Variants in ZNF442 observed in about 807,000 individuals in gnomAD.
ZNF442 encodes zinc finger protein 442.
In ZNF442, 45 loss-of-function variants were observed where a neutral mutation model predicts 57.0. That is an observed-to-expected ratio of 0.79 (90% CI 0.62 to 1.01). The LOEUF (loss-of-function observed/expected upper bound fraction) is 1.01, where lower values mean the gene tolerates loss of function less well. Among genes scored for constraint, ZNF442 ranks in the 50% least tolerant of loss-of-function variants. The pLI is 0.00. For synonymous variants in ZNF442, 213 were observed against 241.8 expected (o/e 0.88, Z 1.10); for missense variants, 690 against 756.5 (o/e 0.91, Z 1.03).
Position 12,349,624 on chromosome 19 carries a change from A to G in ZNF442, c.*77T>C. 7.0e-7 allele frequency: 1 copy of G among 1,423,532 alleles called. No homozygotes were observed. Among genetic ancestry groups the G allele is most frequent in the South Asian group, 1.4e-5 (1 of 71,480 alleles). The allele number at this position is 1,423,532 out of a possible 1,614,324, so 88.2% of individuals were successfully genotyped here. ...TCTTAAGGCTTTACCATGTGTTTGCATTCATGAGGCTTATCTCCTATGTGA... is the reference window on the plus strand; with the variant it reads ...TCTTAAGGCTTTACCATGTGTTTGCGTTCATGAGGCTTATCTCCTATGTGA... On this transcript the variant is annotated 3_prime_UTR_variant, in exon 6 of 6. Coordinates refer to ENST00000242804, the MANE Select transcript of ZNF442 (RefSeq NM_030824.3).
chr19:12,353,872 G>A (rs1283706700), intron 3 of ZNF442, among the ~76,000 whole-genome samples: 2 of 152,102 alleles, frequency 1.3e-5, no homozygotes, highest in African/African-American at 4.8e-5. Flanking sequence ...TTGGACTTAT[G>A]TCCCTATGAG....
Position 12,350,211 on chromosome 19 carries a change from C to T in ZNF442, c.1374G>A (p.Glu458=). ...LRRHETTHTG[E]KPYKCKCGKA... is the part of the protein sequence containing the mutation. The stretch of plus-strand genomic sequence containing the variant: ...TCCCACATTTACATTTATAGGGTTT[C>T]TCTCCAGTGTGAGTTGTTTCATGTC... Residue 458 remains glutamate (E), a synonymous_variant, in exon 6 of 6, where the codon GAG becomes GAA. Transcript: ENST00000242804. The T allele has an allele frequency of 1.2e-6, 2 of 1,614,024 alleles. No homozygotes were observed. Among genetic ancestry groups the T allele is most frequent in the Non-Finnish European group, 1.7e-6 (2 of 1,179,994 alleles).
chr19:12,362,331 C>T (rs146891297), intron 3 of ZNF442, among the ~76,000 whole-genome samples: 7,174 of 151,920 alleles, frequency 0.047, 551 homozygotes, highest in African/African-American at 0.16. Context: ...TCTGCCCCGC[C>T]GCCCCATCTG....
chr19:12,373,313 G>A, the ZNF442 span, among the ~76,000 whole-genome samples: 1 of 152,162 alleles, frequency 6.6e-6, no homozygotes, highest in South Asian at 2.1e-4. Context: ...GCCACAGTGG[G>A]TGGATTGCTT....
At position 12,351,082 on chromosome 19, in the gene ZNF442, A is replaced by T. The variant is rs774716348; in HGVS notation, c.503T>A (p.Phe168Tyr). 3.8e-5 allele frequency: 61 copies of T among 1,614,048 alleles called. No homozygotes were observed. The highest frequency in any genetic ancestry group is 5.2e-5 in the Non-Finnish European group (61 of 1,180,028). Residue 168 changes from phenylalanine (F) to tyrosine (Y), a missense_variant, in exon 6 of 6, where the codon TTT (phenylalanine) becomes TAT (tyrosine). Transcript: ENST00000242804. Reference sequence around the variant, plus strand: ...AGTGTGAGGTCTTTCCTGTGTTTGAAAGGAGTGGTGATAATTGAAGGCTGT... The same window carrying T: ...AGTGTGAGGTCTTTCCTGTGTTTGATAGGAGTGGTGATAATTGAAGGCTGT... ...CGTAFNYHHSFQTQERPHTGK... is the reference protein window; with the variant it reads ...CGTAFNYHHSYQTQERPHTGK...
rs556574041 is a variant in ZNF442, at chr19:12,356,894, A to G, written c.79-3780T>C. Among the ~76,000 whole-genome samples, 11 of 152,316 alleles carry G rather than the reference A, an allele frequency of 7.2e-5. No homozygotes were observed. In the South Asian group the frequency reaches 2.1e-3, roughly 29 times the overall value. ...AAATTTAAACTATCCATAATCTACAATACAACAATTTTTTCCCAATGAATA... is the reference window on the plus strand; with the variant it reads ...AAATTTAAACTATCCATAATCTACAGTACAACAATTTTTTCCCAATGAATA... On this transcript the variant is annotated intron_variant, in intron 3 of 5. Transcript: ENST00000242804.
rs1429411453 is a variant in ZNF442 at position 12,348,457 on chromosome 19, C to G, written c.*1244G>C. On this transcript the variant is annotated 3_prime_UTR_variant, in exon 6 of 6. Transcript: ENST00000242804. ...ACCCAAGGGATAACATGCCAACAAA[C>G]ACTGCAAGGATATTTAAAGAAAAAG... 1.3e-5 allele frequency: 2 copies of G among 152,164 alleles called. No individual in the cohort carries two copies. Among genetic ancestry groups the G allele is most frequent in the Non-Finnish European group, 2.9e-5 (2 of 68,028 alleles). 9.4% of individuals were successfully genotyped at this position (152,164 alleles called of 1,614,324 possible).
At chr19:12,355,151 C>T (rs1264668133) in intron 3 of ZNF442, among the ~76,000 whole-genome samples, 6 of 151,272 alleles carry the variant, frequency 4.0e-5, no homozygotes, top group Admixed American at 6.6e-5. Flanking sequence ...ACTAGCCGGG[C>T]GTGGTGGCGG....
chr19:12,351,417 G>A (rs1969236218), intron 5 of ZNF442, 99 bp from the exon 6 acceptor site: 8 of 1,116,840 alleles, frequency 7.2e-6, no homozygotes, highest in East Asian at 2.6e-5. Flanking sequence ...ATCATGCAAC[G>A]TGTAGGCTTC....
At chr19:12,359,169 T>A (rs769199766) in intron 3 of ZNF442, among the ~76,000 whole-genome samples, 2 of 152,196 alleles carry the variant, frequency 1.3e-5, no homozygotes, top group African/African-American at 2.4e-5. Context: ...CCTTTTTCCA[T>A]CAGGCAGAAT....
chr19:12,356,382 C>A (rs879345086), intron 3 of ZNF442, among the ~76,000 whole-genome samples: 4 of 152,068 alleles, frequency 2.6e-5, no homozygotes, highest in Non-Finnish European at 4.4e-5. Context: ...AATTCTAGCA[C>A]TTTGGGAGGC....
the ZNF442 span, among the ~76,000 whole-genome samples, chr19:12,372,474 G>C: frequency 1.3e-5 from 2 of 151,294 alleles, no homozygotes; most frequent in Non-Finnish European, 2.9e-5. Flanking sequence ...AAAAAAAAGA[G>C]AAAAAAGAAA....
chr19:12,357,381 T>G (rs1227467018), intron 3 of ZNF442, among the ~76,000 whole-genome samples: 1 of 114,312 alleles, frequency 8.7e-6, no homozygotes, highest in Non-Finnish European at 1.7e-5. Flanking sequence ...GGACAGAGTC[T>G]CGCTCTGCCG....
At chr19:12,371,317 C>A in the ZNF442 span, among the ~76,000 whole-genome samples, 1 of 152,192 alleles carries the variant, frequency 6.6e-6, no homozygotes, top group Admixed American at 6.5e-5. Flanking sequence ...CACACACACT[C>A]ACAATCTATT....
chr19:12,363,545 A>T lies in ZNF442; in HGVS notation c.78+9T>A. The T allele has an allele frequency of 6.2e-7, 1 of 1,613,828 alleles. No homozygotes were observed. The highest frequency in any genetic ancestry group is 8.5e-7 in the Non-Finnish European group (1 of 1,179,720). ...CACAACTGGAATGAGTGGGTTCTCC[A>T]GTGCTTACATATTGTTTTCTCTCTT... is the stretch of plus-strand genomic sequence containing the variant. On this transcript the variant is annotated intron_variant, in intron 3 of 5. Transcript: ENST00000242804.
Position 12,350,058 on chromosome 19 carries a change from A to C in ZNF442, c.1527T>G (p.Thr509=). ...CFTYLSQHRR[T]HMAEKPYECK... ...ATTCATAAGGTTTTTCAGCCATGTGAGTCCTTCTATGTTGAGAAAGGTATG... is the reference window on the plus strand; with the variant it reads ...ATTCATAAGGTTTTTCAGCCATGTGCGTCCTTCTATGTTGAGAAAGGTATG... Residue 509 remains threonine (T), a synonymous_variant, in exon 6 of 6, where the codon ACT becomes ACG. Transcript: ENST00000242804. 1.2e-6 allele frequency: 2 copies of C among 1,613,974 alleles called. No individual in the cohort carries two copies. Among genetic ancestry groups the C allele is most frequent in the Non-Finnish European group, 1.7e-6 (2 of 1,180,014 alleles).
intron 5 of ZNF442, chr19:12,351,701 T>C: frequency 3.1e-6 from 1 of 324,864 alleles, no homozygotes; most frequent in Non-Finnish European, 5.7e-6. Context: ...AAACGGGGTT[T>C]CACCATGTTG....
intron 3 of ZNF442, among the ~76,000 whole-genome samples, chr19:12,359,822 C>A (rs533948710): frequency 1.4e-3 from 218 of 152,120 alleles, no homozygotes; most frequent in Non-Finnish European, 1.5e-3. Flanking sequence ...TACAAAAATA[C>A]AAAAAATTAG....
chr19:12,368,885 A>G (rs1969559218), upstream of ZNF442, among the ~76,000 whole-genome samples: 1 of 152,110 alleles, frequency 6.6e-6, no homozygotes, highest in South Asian at 2.1e-4. Context: ...TGAAGGATTT[A>G]GGGATGAGGG....
Sources: gnomAD v4.1 joint callset for allele counts (sites outside exome capture counted in the v4.1 genomes callset) on GRCh38, gnomAD v4.1.1 for gene constraint, MANE v1.5 for transcripts, NCBI Gene and HGNC (gene_info 2026-07-23, HGNC 2026-07-21) for gene names.